ROBO2: variants seen among roughly 807,000 people sequenced by gnomAD.
ROBO2 encodes the protein roundabout guidance receptor 2.
In ROBO2, 53 loss-of-function variants were observed where a neutral mutation model predicts 160.8. The observed-to-expected ratio is 0.33, with a 90% CI of 0.26 to 0.41. ROBO2 has a LOEUF of 0.41. ROBO2 is among the 10% of genes least tolerant of loss of function. ROBO2 has a pLI of 1.00. For missense variants in ROBO2, 1,577 were observed against 1,722.4 expected (o/e 0.92, Z 1.49); for synonymous variants, 664 against 611.7 (o/e 1.09, Z -1.26).
At chr3:75,949,742 T>C (rs1482456129) in intron 2 of ROBO2, among the ~76,000 whole-genome samples, 4 of 146,150 alleles carry the variant, frequency 2.7e-5, no homozygotes, top group Non-Finnish European at 6.0e-5. Flanking sequence ...AAAACATTGC[T>C]GTGACAAGTT....
chr3:76,529,639 ATTTTC>A (rs1222854147), intron 2 of ROBO2, among the ~76,000 whole-genome samples: 1 of 152,130 alleles, frequency 6.6e-6, no homozygotes, highest in Non-Finnish European at 1.5e-5. Context: ...AATTAAAATT[ATTTTC>A]TTTTCTATAC....
Position 76,949,996 on chromosome 3 carries a change from C to G in ROBO2, c.110-148018C>G, listed in dbSNP as rs575995628. Among the ~76,000 whole-genome samples the G allele has an allele frequency of 6.6e-5, 10 of 152,336 alleles. No individual in the cohort carries two copies. In the South Asian group the frequency reaches 2.1e-3, roughly 32 times the overall value. On this transcript the variant is annotated intron_variant, in intron 2 of 26. Transcript: ENST00000487694. Reference sequence around the variant, plus strand: ...GATTAGCTGAACCTATTCTCTTTCTCTGTACAAGGTTAGAATGAGACATGC... The same window carrying G: ...GATTAGCTGAACCTATTCTCTTTCTGTGTACAAGGTTAGAATGAGACATGC...
chr3:76,992,643 T>A lies in ROBO2; in HGVS notation c.110-105371T>A, dbSNP rs73841788. Among the ~76,000 whole-genome samples, 681 of 147,844 alleles carry A rather than the reference T, an allele frequency of 4.6e-3. 3 individuals are homozygous for A. The highest frequency in any genetic ancestry group is 0.016 in the African/African-American group (648 of 39,440). ...GTCAATTTTTTCCTAAAAATAAGAA[T>A]TTTTTTTTTCTATATGAAGGGCCTG... On this transcript the variant is annotated intron_variant, in intron 2 of 26. Transcript: ENST00000487694.
rs779967776 is a variant in ROBO2, at chr3:77,546,313, C to T, written c.935-25C>T. The T allele has an allele frequency of 3.4e-5, 55 of 1,611,636 alleles. 1 individual carries two copies. Among genetic ancestry groups the T allele is most frequent in the East Asian group, 2.7e-4 (12 of 44,812 alleles). ...TATTTGTCTATGGTTGATATTTACACGCTTTCTTTTCTTTTAAATTATAGC... is the reference window on the plus strand; with the variant it reads ...TATTTGTCTATGGTTGATATTTACATGCTTTCTTTTCTTTTAAATTATAGC... On this transcript the variant is annotated intron_variant, in intron 6 of 25. Transcript: ENST00000461745.
upstream of ROBO2, among the ~76,000 whole-genome samples, chr3:77,035,731 A>T (rs2063594611): frequency 1.3e-5 from 2 of 151,832 alleles, no homozygotes; most frequent in Non-Finnish European, 3.0e-5. Flanking sequence ...GCTCCCTCAG[A>T]TCCTTTCTGG....
At chr3:76,269,119 G>A (rs1289037747) in intron 2 of ROBO2, among the ~76,000 whole-genome samples, 5 of 152,156 alleles carry the variant, frequency 3.3e-5, no homozygotes, top group Admixed American at 3.3e-4. Flanking sequence ...GATGATTGCA[G>A]TCAACAATAT....
chr3:77,110,192 G>A (rs938482386), intron 2 of ROBO2, among the ~76,000 whole-genome samples: 2 of 152,110 alleles, frequency 1.3e-5, no homozygotes, highest in Non-Finnish European at 2.9e-5. Flanking sequence ...GCAGCTTGGA[G>A]ATTAAGAATC....
chr3:77,076,697 G>T (rs1397690442), intron 1 of ROBO2, among the ~76,000 whole-genome samples: 1 of 152,112 alleles, frequency 6.6e-6, no homozygotes, highest in Non-Finnish European at 1.5e-5. Context: ...GTAGCACTTT[G>T]CATTACAAAT....
At chr3:77,193,383 C>T (rs915483357) in intron 2 of ROBO2, among the ~76,000 whole-genome samples, 7 of 151,792 alleles carry the variant, frequency 4.6e-5, no homozygotes, top group African/African-American at 1.2e-4. Flanking sequence ...TGGGCTCAAG[C>T]GATCCTCCTA....
At chr3:76,904,382 C>G (rs2148892055) in intron 2 of ROBO2, among the ~76,000 whole-genome samples, 1 of 152,016 alleles carries the variant, frequency 6.6e-6, no homozygotes, top group East Asian at 1.9e-4. Flanking sequence ...GTAATGTTGC[C>G]AAATATAGCA....
chr3:76,747,004 A>G (rs965384876), intron 2 of ROBO2, among the ~76,000 whole-genome samples: 7 of 152,132 alleles, frequency 4.6e-5, no homozygotes, highest in Admixed American at 6.6e-5. Context: ...ATGGCTGCAT[A>G]GTATTCCATG....
chr3:76,518,261 G>T (rs2081434746), intron 2 of ROBO2, among the ~76,000 whole-genome samples: 1 of 152,114 alleles, frequency 6.6e-6, no homozygotes, highest in Non-Finnish European at 1.5e-5. Context: ...TGGCTCCAAG[G>T]TGTCCACTGG....
chr3:77,564,338 A>G, intron 11 of ROBO2: 1 of 368,626 alleles, frequency 2.7e-6, no homozygotes, highest in South Asian at 2.0e-5. Context: ...ACAAATTCAG[A>G]GAGATTTCAC....
intron 4 of ROBO2, among the ~76,000 whole-genome samples, chr3:77,485,721 T>A (rs1028701666): frequency 1.3e-5 from 2 of 152,174 alleles, no homozygotes; most frequent in Non-Finnish European, 2.9e-5. Flanking sequence ...TCATGGGTAT[T>A]ATGACTTCTC....
At chr3:76,661,092 C>A (rs1379888400) in intron 2 of ROBO2, among the ~76,000 whole-genome samples, 1 of 152,008 alleles carries the variant, frequency 6.6e-6, no homozygotes, top group Non-Finnish European at 1.5e-5. Flanking sequence ...CTTTTTTAAA[C>A]CATAAAAACC....
chr3:76,693,308 A>G (rs1003532568), intron 2 of ROBO2, among the ~76,000 whole-genome samples: 50 of 149,584 alleles, frequency 3.3e-4, no homozygotes, highest in Admixed American at 1.0e-3. Flanking sequence ...TAGTGTGTGT[A>G]TATATATATA....
At chr3:76,931,550 G>GACACACACACACACACACACACAC (rs148001909) in intron 2 of ROBO2, among the ~76,000 whole-genome samples, 6 of 150,608 alleles carry the variant, frequency 4.0e-5, no homozygotes, top group African/African-American at 1.5e-4. Context: ...TGCTTTATAA[G>GACACACACACACACACACACACAC]ACACATACAC....
chr3:77,181,994 A>G (rs1364000344), intron 2 of ROBO2, among the ~76,000 whole-genome samples: 3 of 152,202 alleles, frequency 2.0e-5, no homozygotes, highest in Non-Finnish European at 4.4e-5. Context: ...GATTTTAGCT[A>G]TATCTATCCT....
At chr3:76,756,550 T>C (rs2060982251) in intron 2 of ROBO2, among the ~76,000 whole-genome samples, 1 of 151,886 alleles carries the variant, frequency 6.6e-6, no homozygotes, top group Non-Finnish European at 1.5e-5. Flanking sequence ...TTAAAGATGT[T>C]TGGAAGATCA....
Sources: allele counts gnomAD v4.1 joint callset (sites outside exome capture counted in the v4.1 genomes callset), GRCh38; gene constraint gnomAD v4.1.1; transcripts MANE v1.5; gene names NCBI Gene and HGNC (gene_info 2026-07-23, HGNC 2026-07-21).